Variants in CCAR1 observed in about 807,000 individuals in gnomAD.
CCAR1 encodes the protein cell division cycle and apoptosis regulator 1, also known as cell division cycle and apoptosis regulator protein 1.
In CCAR1, 78 loss-of-function variants were observed where a neutral mutation model predicts 163.8. The ratio of observed to expected loss-of-function variants is 0.48; its 90% confidence interval spans 0.40 to 0.57. The LOEUF (loss-of-function observed/expected upper bound fraction) is 0.57, where lower values mean the gene tolerates loss of function less well. Among genes scored for constraint, CCAR1 ranks in the 20% least tolerant of loss-of-function variants. The probability of loss-of-function intolerance (pLI) is 0.00; values close to 1 mark genes in which losing one functional copy is unlikely to be tolerated. For synonymous variants in CCAR1, 443 were observed against 460.7 expected (o/e 0.96, Z 0.49); for missense variants, 1,019 against 1,365.2 (o/e 0.75, Z 4.00).
chr10:68,738,799 C>G (rs1365386217), intron 4 of CCAR1, among the ~76,000 whole-genome samples: 3 of 151,910 alleles, frequency 2.0e-5, no homozygotes, highest in African/African-American at 7.3e-5. Context: ...GTAATCCAAG[C>G]ACTTTGGGAG....
chr10:68,751,598 G>GAA (rs1343364048), intron 10 of CCAR1, among the ~76,000 whole-genome samples: 1 of 151,536 alleles, frequency 6.6e-6, no homozygotes, highest in Non-Finnish European at 1.5e-5. Flanking sequence ...TGCAGTGGCT[G>GAA]ACGCCTGTAA....
intron 3 of CCAR1, 101 bp downstream of exon 3, chr10:68,737,149 GT>G: frequency 1.3e-6 from 1 of 785,302 alleles, no homozygotes; most frequent in Non-Finnish European, 2.1e-6. Context: ...AGAATTATGT[GT>G]TTTTATTATG....
intron 4 of CCAR1, among the ~76,000 whole-genome samples, chr10:68,738,636 A>G (rs2056144116): frequency 6.6e-6 from 1 of 151,636 alleles, no homozygotes; most frequent in Non-Finnish European, 1.5e-5. Flanking sequence ...AATTTTTGTT[A>G]CATTAACTAA....
rs1001871250 is a variant in CCAR1, at chr10:68,756,984, T to C, written c.1837-310T>C. ...AATCAGTCTTTGGGTGGCTTGAAAA[T>C]TGAGGCAAGATCACACACTGTGTGG... is the stretch of plus-strand genomic sequence containing the variant. On this transcript the variant is annotated intron_variant, in intron 14 of 24. Transcript: ENST00000265872. The surrounding 1 kb of genome is among the most constrained non-coding windows in gnomAD (Gnocchi z 5.1). Among the ~76,000 whole-genome samples, 4 of 152,184 alleles carry C rather than the reference T, an allele frequency of 2.6e-5. No homozygotes were observed. The highest frequency in any genetic ancestry group is 5.9e-5 in the Non-Finnish European group (4 of 68,034).
chr10:68,757,901 C>T (rs4745964), intron 15 of CCAR1, among the ~76,000 whole-genome samples: 11,606 of 151,634 alleles, frequency 0.077, 1,237 homozygotes, highest in African/African-American at 0.24. Context: ...CCACCACGCC[C>T]GGCTAATTGT....
chr10:68,766,998 A>G (rs2056544382), intron 17 of CCAR1, among the ~76,000 whole-genome samples: 1 of 152,002 alleles, frequency 6.6e-6, no homozygotes, highest in South Asian at 2.1e-4. Context: ...ATTTCATGTA[A>G]ATTGATTGTT....
At chr10:68,783,322 C>T (rs541558035) in intron 19 of CCAR1, among the ~76,000 whole-genome samples, 21 of 151,904 alleles carry the variant, frequency 1.4e-4, no homozygotes, top group African/African-American at 4.6e-4. Context: ...CCTGAGTAGC[C>T]ACCACCACGC....
chr10:68,746,808 C>T (rs2056262125), intron 6 of CCAR1, among the ~76,000 whole-genome samples: 1 of 152,052 alleles, frequency 6.6e-6, no homozygotes, highest in South Asian at 2.1e-4. Context: ...GAACTCCTGA[C>T]CTCAAGTGAT....
At chr10:68,769,836 G>A (rs1212072771) in intron 17 of CCAR1, among the ~76,000 whole-genome samples, 2 of 151,484 alleles carry the variant, frequency 1.3e-5, no homozygotes, top group African/African-American at 4.9e-5. Flanking sequence ...AGCTACTGGG[G>A]AGGCTGAGGC....
intron 4 of CCAR1, 130 bp from the exon 5 acceptor site, chr10:68,740,499 C>T (rs534241798): frequency 1.7e-5 from 13 of 750,706 alleles, no homozygotes; most frequent in African/African-American, 1.2e-4. Flanking sequence ...AGTGAGACCT[C>T]GTTTCTGTTT....
chr10:68,722,367 C>T, intron 1 of CCAR1, 88 bp from the exon 2 acceptor site: 2 of 756,696 alleles, frequency 2.6e-6, no homozygotes, highest in African/African-American at 1.7e-5. Context: ...ACGTCCTCGA[C>T]ACATTAAACA....
chr10:68,732,684 A>G (rs956523272), intron 2 of CCAR1, among the ~76,000 whole-genome samples: 1 of 152,268 alleles, frequency 6.6e-6, no homozygotes, highest in Non-Finnish European at 1.5e-5. Context: ...GGGCCTATAT[A>G]TAATCCTTTT....
intron 18 of CCAR1, among the ~76,000 whole-genome samples, chr10:68,771,948 G>A (rs1441454090): frequency 2.7e-5 from 4 of 149,748 alleles, no homozygotes; most frequent in African/African-American, 9.8e-5. Flanking sequence ...TTGGCTCACT[G>A]CAACCTCTCC....
chr10:68,746,131 C>A (rs1336824946), intron 6 of CCAR1, among the ~76,000 whole-genome samples: 1 of 151,770 alleles, frequency 6.6e-6, no homozygotes, highest in African/African-American at 2.4e-5. Flanking sequence ...TGCCACCACG[C>A]CTGGCTAATT....
At position 68,754,749 on chromosome 10, in the gene CCAR1, A is replaced by G; in HGVS notation, c.1380A>G (p.Leu460=). The G allele has an allele frequency of 3.1e-6, 5 of 1,610,688 alleles. No homozygotes were observed. The highest frequency in any genetic ancestry group is 4.2e-6 in the Non-Finnish European group (5 of 1,176,988). ...MLMASPSMED[L]YHKSCALAED... is the part of the protein sequence containing the mutation. ...TGGCTAGCCCTAGTATGGAAGATTTATATCATAAGTCATGTGCTCTTGCTG... is the reference window on the plus strand; with the variant it reads ...TGGCTAGCCCTAGTATGGAAGATTTGTATCATAAGTCATGTGCTCTTGCTG... The change falls in exon 12 of 25, where the codon TTA becomes TTG. Residue 460 remains leucine (L), a synonymous_variant. Transcript: ENST00000265872.
chr10:68,740,684 G>A lies in CCAR1; in HGVS notation c.324+23G>A, dbSNP rs745932029. 8 of 1,589,130 alleles carry A rather than the reference G, an allele frequency of 5.0e-6. No homozygotes were observed. The East Asian group carries it at 1.6e-4, about 31-fold the overall frequency. On this transcript the variant is annotated intron_variant, in intron 5 of 24. Transcript: ENST00000265872. Reference sequence around the variant, plus strand: ...CAGGTTAGTTGGTATTACTTTATTTGTTTTGGATGTCTGAATGAACAGTAG... The same window carrying A: ...CAGGTTAGTTGGTATTACTTTATTTATTTTGGATGTCTGAATGAACAGTAG...
chr10:68,754,853 T>G lies in CCAR1; in HGVS notation c.1458+26T>G, dbSNP rs186031575. ...GTAAAAGGACACATTTGTTTTAACT[T>G]TAGATGTATTCACTTTGCTTAGCTG... is the stretch of plus-strand genomic sequence containing the variant. On this transcript the variant is annotated intron_variant, in intron 12 of 24. Coordinates refer to ENST00000265872, the MANE Select transcript of CCAR1 (RefSeq NM_018237.4). 8 of 1,233,510 alleles carry G rather than the reference T, an allele frequency of 6.5e-6. No individual in the cohort carries two copies. The East Asian group carries it at 1.6e-4, about 25-fold the overall frequency. The allele number at this position is 1,233,510 out of a possible 1,614,324, so 76.4% of individuals were successfully genotyped here.
intron 15 of CCAR1, chr10:68,759,561 CAA>C (rs372147658): frequency 2.1e-5 from 3 of 140,782 alleles, no homozygotes; most frequent in East Asian, 4.1e-4. Flanking sequence ...GACTCTCTAC[CAA>C]AAAAAAAAAA....
intron 4 of CCAR1, among the ~76,000 whole-genome samples, chr10:68,740,376 C>T (rs2056167287): frequency 6.6e-6 from 1 of 152,088 alleles, no homozygotes; most frequent in Non-Finnish European, 1.5e-5. Flanking sequence ...TCACATTTTT[C>T]TTAAGATAAC....
Sources: allele counts gnomAD v4.1 joint callset (sites outside exome capture counted in the v4.1 genomes callset), GRCh38; gene constraint gnomAD v4.1.1; non-coding constraint Gnocchi (gnomAD v3.1); transcripts MANE v1.5; gene names NCBI Gene and HGNC (gene_info 2026-07-23, HGNC 2026-07-21).